FHOD3: variants seen among roughly 807,000 people sequenced by gnomAD.
FHOD3 encodes FH1/FH2 domain-containing protein 3.
A neutral mutation model predicts 173.0 loss-of-function variants in FHOD3; 90 were observed. The observed-to-expected ratio is 0.52, with a 90% CI of 0.44 to 0.62. The LOEUF (loss-of-function observed/expected upper bound fraction) is 0.62, where lower values mean the gene tolerates loss of function less well. Ranked by LOEUF, FHOD3 falls within the 20% of genes least tolerant of loss-of-function variation. The probability of loss-of-function intolerance (pLI) is 0.00; values close to 1 mark genes in which losing one functional copy is unlikely to be tolerated. For missense variants in FHOD3, 1,945 were observed against 2,034.7 expected, an observed-to-expected ratio of 0.96 and a Z score of 0.85; for synonymous variants, 828 against 823.0, an observed-to-expected ratio of 1.01 and a Z score of -0.10.
chr18:36,350,490 G>A (rs554609908), intron 1 of FHOD3, among the ~76,000 whole-genome samples: 3 of 152,292 alleles, frequency 2.0e-5, no homozygotes, highest in South Asian at 4.1e-4. Flanking sequence ...TGAAGTGCCT[G>A]GCAATGTCCT....
intron 3 of FHOD3, among the ~76,000 whole-genome samples, chr18:36,494,438 G>C (rs6417072): frequency 0.67 from 101,375 of 152,100 alleles, 35,069 homozygotes; most frequent in East Asian, 0.95. Flanking sequence ...ACCTTCTTGT[G>C]GTTACCAAAG....
At chr18:36,333,343 T>G (rs981243043) in intron 1 of FHOD3, among the ~76,000 whole-genome samples, 1 of 152,188 alleles carries the variant, frequency 6.6e-6, no homozygotes, top group Non-Finnish European at 1.5e-5. Context: ...CCTGCCGACA[T>G]GGAGGGGTGG....
chr18:36,778,526 C>A (rs1294348653), intron 28 of FHOD3: 1 of 152,242 alleles, frequency 6.6e-6, no homozygotes, highest in Non-Finnish European at 1.5e-5. Context: ...GCAGCTACCT[C>A]CTCATTCACC....
chr18:36,367,427 G>A (rs1026123894), intron 2 of FHOD3, among the ~76,000 whole-genome samples: 1 of 152,166 alleles, frequency 6.6e-6, no homozygotes, highest in African/African-American at 2.4e-5. Flanking sequence ...AGGAATCCGA[G>A]TCTCCCTGGG....
chr18:36,779,537 T>G lies in FHOD3; in HGVS notation c.*7T>G. 1 of 1,613,652 alleles carries G rather than the reference T, an allele frequency of 6.2e-7. No individual in the cohort carries two copies. Among genetic ancestry groups the G allele is most frequent in the South Asian group, 1.1e-5 (1 of 91,074 alleles). ...CTCGGAGTTGCAGCTGTGACACTCA[T>G]AGGTTACTCCCAGGAGTGTGCTGAG... is the stretch of plus-strand genomic sequence containing the variant. On this transcript the variant is annotated 3_prime_UTR_variant, in exon 29 of 29. Transcript: ENST00000590592.
chr18:36,529,577 G>T (rs1371146779), intron 5 of FHOD3, among the ~76,000 whole-genome samples: 1 of 152,054 alleles, frequency 6.6e-6, no homozygotes, highest in African/African-American at 2.4e-5. Context: ...CTAGCACTTT[G>T]GGAGGCTGAG....
At chr18:36,674,809 C>T (rs988315065) in intron 14 of FHOD3, among the ~76,000 whole-genome samples, 1 of 152,088 alleles carries the variant, frequency 6.6e-6, no homozygotes, top group Non-Finnish European at 1.5e-5. Context: ...CATGCAAGCA[C>T]GTGCCCCTGG....
chr18:36,473,437 C>T (rs750309466), intron 3 of FHOD3, among the ~76,000 whole-genome samples: 1 of 152,160 alleles, frequency 6.6e-6, no homozygotes, highest in Non-Finnish European at 1.5e-5. Context: ...AAATGCAGCA[C>T]CTGAGACCTG....
At chr18:36,433,230 A>G (rs2050645058) in intron 3 of FHOD3, among the ~76,000 whole-genome samples, 2 of 152,212 alleles carry the variant, frequency 1.3e-5, no homozygotes. Context: ...AGTCTAACCC[A>G]GATTATATAG....
chr18:36,598,822 T>C (rs940990036), intron 7 of FHOD3, among the ~76,000 whole-genome samples: 2 of 152,240 alleles, frequency 1.3e-5, no homozygotes, highest in Non-Finnish European at 2.9e-5. Flanking sequence ...GTGCTGGGAT[T>C]ACAGGCGTGA....
intron 14 of FHOD3, among the ~76,000 whole-genome samples, chr18:36,677,567 G>A (rs1355312934): frequency 6.6e-6 from 1 of 152,162 alleles, no homozygotes; most frequent in Non-Finnish European, 1.5e-5. Context: ...CTGTGTATGA[G>A]TCTGTGTCAT....
At chr18:36,459,731 T>C (rs1026142698) in intron 3 of FHOD3, among the ~76,000 whole-genome samples, 1 of 152,196 alleles carries the variant, frequency 6.6e-6, no homozygotes, top group African/African-American at 2.4e-5. Flanking sequence ...ATTGTAAAGA[T>C]AGTACAGAGA....
rs1310232237 is a variant in FHOD3, at chr18:36,653,354, T to G, written c.1659T>G (p.Ser553=). 2.6e-6 allele frequency: 4 copies of G among 1,535,012 alleles called. No homozygotes were observed. In the Admixed American group the frequency reaches 7.9e-5, roughly 30 times the overall value. The change falls in exon 13 of 29, where the codon TCT becomes TCG. Residue 553 remains serine (S), a synonymous_variant. Transcript: ENST00000590592. ...CTTCCTTTGACAGTTCCTCTGATTC[T>G]TTCTCTTTGAGCACATATTCTGCCT... ...ESQKENSSSD[S]FSLSTYSASE...
chr18:36,604,109 C>T (rs1037324640), intron 8 of FHOD3, among the ~76,000 whole-genome samples: 1 of 152,152 alleles, frequency 6.6e-6, no homozygotes, highest in Non-Finnish European at 1.5e-5. Context: ...CCCATGCTGA[C>T]CCAGAACAGG....
Position 36,477,526 on chromosome 18 carries a change from TCCAC to T in FHOD3, c.338-24388_338-24385del, listed in dbSNP as rs1180921623. 3.6e-3 allele frequency among the ~76,000 whole-genome samples: 388 copies of T among 106,372 alleles called. 5 individuals are homozygous for T. The highest frequency in any genetic ancestry group is 9.0e-3 in the South Asian group (29 of 3,214). The allele number at this position is 106,372 out of a possible 152,430, so 69.8% of individuals were successfully genotyped here. ...ATCCATCCATCCATCCATCCATCCA[TCCAC>T]CCACCCACCCACCCACCTACCTACC... On this transcript the variant is annotated intron_variant, in intron 3 of 28. Transcript: ENST00000590592.
At chr18:36,408,845 T>G (rs995273081) in intron 3 of FHOD3, among the ~76,000 whole-genome samples, 3 of 152,182 alleles carry the variant, frequency 2.0e-5, no homozygotes, top group Admixed American at 6.5e-5. Flanking sequence ...GCCGCATGAC[T>G]CTACCATGAA....
intron 9 of FHOD3, among the ~76,000 whole-genome samples, chr18:36,622,871 C>G (rs553681976): frequency 6.0e-4 from 91 of 152,334 alleles, no homozygotes; most frequent in South Asian, 1.5e-3. Flanking sequence ...CCTGTCATCA[C>G]TGGACACTGA....
chr18:36,371,999 G>A lies in FHOD3; in HGVS notation c.273-681G>A, dbSNP rs76554928. Among the ~76,000 whole-genome samples, 10 of 152,242 alleles carry A rather than the reference G, an allele frequency of 6.6e-5. No homozygotes were observed. In the East Asian group the frequency reaches 1.2e-3, roughly 18 times the overall value. On this transcript the variant is annotated intron_variant, in intron 2 of 28. Coordinates refer to ENST00000590592, the MANE Select transcript of FHOD3 (RefSeq NM_001281740.3). ...TTTATCTCCTTCTACCAACTGCTCC[G>A]TGCTTTGGTTCCTCTCTGCATAAAG...
intron 3 of FHOD3, among the ~76,000 whole-genome samples, chr18:36,448,400 C>A (rs1301372801): frequency 2.6e-5 from 4 of 152,148 alleles, no homozygotes; most frequent in African/African-American, 4.8e-5. Context: ...CAGGGTCACA[C>A]ATTTATTTTA....
Sources: gnomAD v4.1 joint callset for allele counts (sites outside exome capture counted in the v4.1 genomes callset) on GRCh38, gnomAD v4.1.1 for gene constraint, MANE v1.5 for transcripts, NCBI Gene and HGNC (gene_info 2026-07-23, HGNC 2026-07-21) for gene names.